Variants in PREX2 observed in about 807,000 individuals in gnomAD.
PREX2 encodes the protein phosphatidylinositol-3,4,5-trisphosphate dependent Rac exchange factor 2.
PREX2 carries 107 observed loss-of-function variants against 203.2 expected under a neutral mutation model. That is an observed-to-expected ratio of 0.53 (90% CI 0.45 to 0.62). PREX2 has a LOEUF of 0.62. PREX2 is among the 20% of genes least tolerant of loss of function. The pLI, the probability that PREX2 is intolerant of heterozygous loss-of-function variation, is 0.00. For synonymous variants in PREX2, 672 were observed against 663.6 expected (o/e 1.01, Z -0.19); for missense variants, 1,777 against 1,955.9 (o/e 0.91, Z 1.72).
Position 68,198,333 on chromosome 8 carries a change from T to C in PREX2, c.4604+5808T>C, listed in dbSNP as rs79751434. On this transcript the variant is annotated intron_variant, in intron 37 of 39. Transcript: ENST00000288368. ...AAGACTTGTGCTATTTATATTTATA[T>C]ACCTGCTTTGTAGGCAGAGTTACTT... is the stretch of plus-strand genomic sequence containing the variant. Among the ~76,000 whole-genome samples, 887 of 152,368 alleles carry C rather than the reference T, an allele frequency of 5.8e-3. 11 individuals carry two copies. Among genetic ancestry groups the C allele is most frequent in the South Asian group, 0.033 (160 of 4,832 alleles).
chr8:67,990,373 A>G (rs1256497902), intron 1 of PREX2, among the ~76,000 whole-genome samples: 1 of 151,302 alleles, frequency 6.6e-6, no homozygotes, highest in Non-Finnish European at 1.5e-5. Context: ...CTGTCTGTGT[A>G]TTAGAATCAC....
intron 35 of PREX2, among the ~76,000 whole-genome samples, chr8:68,167,673 C>G (rs1811791963): frequency 6.6e-6 from 1 of 152,154 alleles, no homozygotes; most frequent in Non-Finnish European, 1.5e-5. Context: ...TCTTCCATGA[C>G]TTTTCACCTC....
intron 6 of PREX2, among the ~76,000 whole-genome samples, chr8:68,031,301 A>G (rs942092862): frequency 6.6e-6 from 1 of 152,194 alleles, no homozygotes; most frequent in African/African-American, 2.4e-5. Context: ...GCAAAGAATG[A>G]ACTAAAATTC....
chr8:67,953,696 C>G (rs867252516), intron 1 of PREX2, among the ~76,000 whole-genome samples: 27 of 152,112 alleles, frequency 1.8e-4, no homozygotes, highest in Admixed American at 3.3e-4. Flanking sequence ...AAAAATGTCT[C>G]AAGTGATGTA....
intron 32 of PREX2, 24 bp from the exon 33 acceptor site, chr8:68,138,391 T>C (rs376635928): frequency 9.5e-5 from 116 of 1,227,154 alleles, no homozygotes; most frequent in Non-Finnish European, 1.3e-4. Flanking sequence ...TCTTGTATTA[T>C]ATATTGTTTT....
chr8:68,103,030 C>A (rs1159931876), intron 23 of PREX2: 1 of 481,476 alleles, frequency 2.1e-6, no homozygotes, highest in Non-Finnish European at 4.2e-6. Context: ...TAGAATAATT[C>A]CATAATTGGG....
intron 17 of PREX2, chr8:68,082,976 G>A: frequency 3.2e-6 from 1 of 316,058 alleles, no homozygotes; most frequent in African/African-American, 2.1e-5. Flanking sequence ...AAATATAACA[G>A]AAGAGGGGAG....
At chr8:68,105,111 T>C (rs927699151) in intron 23 of PREX2, 2 of 1,364,448 alleles carry the variant, frequency 1.5e-6, no homozygotes, top group Non-Finnish European at 9.8e-7. Context: ...CACCATCAAT[T>C]CAAGAACTGT....
chr8:68,173,506 A>G (rs17449325), intron 35 of PREX2, among the ~76,000 whole-genome samples: 18,347 of 152,164 alleles, frequency 0.12, 1,412 homozygotes, highest in African/African-American at 0.21. Context: ...TGCATGTAGT[A>G]TTATGTAACT....
At chr8:68,163,558 G>T (rs1306698099) in intron 35 of PREX2, among the ~76,000 whole-genome samples, 2 of 152,280 alleles carry the variant, frequency 1.3e-5, no homozygotes, top group Non-Finnish European at 2.9e-5. Context: ...TTAAGGTGGA[G>T]CCCATTAAGG....
Position 68,044,489 on chromosome 8 carries a change from G to A in PREX2, c.842G>A (p.Arg281Gln), listed in dbSNP as rs372931548. The A allele has an allele frequency of 2.5e-5, 40 of 1,605,302 alleles. No individual in the cohort carries two copies. Among genetic ancestry groups the A allele is most frequent in the Non-Finnish European group, 3.0e-5 (35 of 1,172,614 alleles). Residue 281 changes from arginine (R) to glutamine (Q), a missense_variant and splice_region_variant, in exon 8 of 40, where the codon CGG becomes CAG. Arg to Gln is a conservative substitution (Grantham distance 43). Coordinates refer to ENST00000288368, the MANE Select transcript of PREX2 (RefSeq NM_024870.4). ...TTGTGATTTAATTCCATCTTAAGAC[G>A]GTTGAAGAACAGCAAGGCATCTACA... ...LLVYCKRKHR[R>Q]LKNSKASTDG...
intron 14 of PREX2, among the ~76,000 whole-genome samples, chr8:68,075,839 G>A (rs1809332499): frequency 6.6e-6 from 1 of 152,188 alleles, no homozygotes; most frequent in South Asian, 2.1e-4. Context: ...GGTTGGATTT[G>A]TCACAGCATG....
At position 68,083,303 on chromosome 8, in the gene PREX2, C is replaced by G; in HGVS notation, c.1942C>G (p.Pro648Ala). 6.2e-7 allele frequency: 1 copy of G among 1,609,782 alleles called. No individual in the cohort carries two copies. Among genetic ancestry groups the G allele is most frequent in the South Asian group, 1.1e-5 (1 of 90,530 alleles). ...AINGDLVFMR[P>A]FNEVDCFLKS... ...TAATGGTGACCTAGTTTTTATGAGA[C>G]CTTTCAATGAAGTGGATTGCTTCCT... Residue 648 changes from proline (P) to alanine (A), a missense_variant, in exon 18 of 40, where the codon CCT becomes GCT. Pro to Ala is a conservative substitution (Grantham distance 27). Transcript: ENST00000288368.
intron 7 of PREX2, among the ~76,000 whole-genome samples, chr8:68,039,221 G>C (rs907822813): frequency 6.6e-6 from 1 of 152,058 alleles, no homozygotes; most frequent in Non-Finnish European, 1.5e-5. Flanking sequence ...CATTCAACAA[G>C]ATCTTTGTTC....
chr8:67,992,492 A>G (rs1395148711), intron 1 of PREX2, among the ~76,000 whole-genome samples: 1 of 152,206 alleles, frequency 6.6e-6, no homozygotes, highest in Admixed American at 6.5e-5. Context: ...TTATAATTCT[A>G]TGGGATATTA....
intron 35 of PREX2, among the ~76,000 whole-genome samples, chr8:68,164,166 A>G (rs1257169958): frequency 6.6e-6 from 1 of 152,124 alleles, no homozygotes; most frequent in Non-Finnish European, 1.5e-5. Flanking sequence ...TTTATGTGGT[A>G]CCTAAGATGG....
intron 1 of PREX2, among the ~76,000 whole-genome samples, chr8:67,995,081 T>G (rs768994312): frequency 9.9e-5 from 15 of 152,136 alleles, no homozygotes; most frequent in Non-Finnish European, 1.9e-4. Flanking sequence ...CTTTTCTTTT[T>G]TAAGACTACA....
In PREX2 at chr8:68,120,916, T is replaced by A; in HGVS notation, c.3596-5T>A. On this transcript the variant is annotated splice_region_variant and splice_polypyrimidine_tract_variant and intron_variant, in intron 29 of 39. Transcript: ENST00000288368. ...ACTTAAGAGAGATTTTCTGTGTTTA[T>A]TTAGAATTTCAACAGGAAATGGAAC... The A allele has an allele frequency of 6.2e-7, 1 of 1,611,190 alleles. No individual in the cohort carries two copies. Among genetic ancestry groups the A allele is most frequent in the Non-Finnish European group, 8.5e-7 (1 of 1,178,770 alleles).
intron 29 of PREX2, 21 bp downstream of exon 29, chr8:68,120,307 T>C: frequency 6.4e-7 from 1 of 1,560,364 alleles, no homozygotes; most frequent in South Asian, 1.1e-5. Flanking sequence ...AAAAATTAAC[T>C]AGTAGAAGCA....
Sources: gnomAD v4.1 joint callset for allele counts (sites outside exome capture counted in the v4.1 genomes callset) on GRCh38, gnomAD v4.1.1 for gene constraint, MANE v1.5 for transcripts, NCBI Gene and HGNC (gene_info 2026-07-23, HGNC 2026-07-21) for gene names.